Variants in JAZF1 observed in about 807,000 individuals in gnomAD.
JAZF1 encodes the protein JAZF zinc finger 1, also known as juxtaposed with another zinc finger protein 1.
In JAZF1, 8 loss-of-function variants were observed where a neutral mutation model predicts 26.4. That is an observed-to-expected ratio of 0.30 (90% CI 0.18 to 0.55). JAZF1 has a LOEUF of 0.55. JAZF1 is among the 20% of genes least tolerant of loss of function. JAZF1 has a pLI of 0.94. For synonymous variants in JAZF1, 126 were observed against 122.3 expected (o/e 1.03, Z -0.20); for missense variants, 199 against 322.0 (o/e 0.62, Z 2.92).
chr7:28,076,242 C>G (rs1784049538), intron 1 of JAZF1, among the ~76,000 whole-genome samples: 1 of 152,166 alleles, frequency 6.6e-6, no homozygotes. Flanking sequence ...CGGCCCAGAG[C>G]AAAATGGGAA....
intron 1 of JAZF1, among the ~76,000 whole-genome samples, chr7:28,146,005 T>C (rs962350283): frequency 1.3e-5 from 2 of 152,234 alleles, no homozygotes; most frequent in African/African-American, 4.8e-5. Flanking sequence ...ATGTCAATTT[T>C]CTACTCTTCC....
At chr7:28,022,383 T>C (rs1471984868) in intron 1 of JAZF1, among the ~76,000 whole-genome samples, 1 of 152,200 alleles carries the variant, frequency 6.6e-6, no homozygotes, top group Non-Finnish European at 1.5e-5. Context: ...TTCCTGACCG[T>C]TCTAACAAAT....
chr7:27,949,637 C>T (rs1477347742), intron 2 of JAZF1, among the ~76,000 whole-genome samples: 1 of 152,162 alleles, frequency 6.6e-6, no homozygotes, highest in Non-Finnish European at 1.5e-5. Context: ...GTGGCACATG[C>T]CTGTAATCCC....
rs1007539876 is a variant in JAZF1, at chr7:27,982,330, C to T, written c.188+9579G>A. 2.9e-4 allele frequency among the ~76,000 whole-genome samples: 44 copies of T among 152,118 alleles called. 1 individual carries two copies. Among genetic ancestry groups the T allele is most frequent in the African/African-American group, 1.0e-3 (42 of 41,460 alleles). On this transcript the variant is annotated intron_variant, in intron 2 of 4. Coordinates refer to ENST00000283928, the MANE Select transcript of JAZF1 (RefSeq NM_175061.4). ...CCCGCGCATGGCTCAGAGGGTCCCACGCCCATGGAGCCTCACTCACTGCTA... is the reference window on the plus strand; with the variant it reads ...CCCGCGCATGGCTCAGAGGGTCCCATGCCCATGGAGCCTCACTCACTGCTA...
intron 1 of JAZF1, among the ~76,000 whole-genome samples, chr7:28,173,631 T>A (rs1783506558): frequency 6.6e-6 from 1 of 152,094 alleles, no homozygotes; most frequent in African/African-American, 2.4e-5. Flanking sequence ...AGGAGGTCTA[T>A]CTCAGGAGAA....
chr7:28,047,063 T>G (rs1038513979), intron 1 of JAZF1, among the ~76,000 whole-genome samples: 2 of 152,130 alleles, frequency 1.3e-5, no homozygotes, highest in Non-Finnish European at 2.9e-5. Flanking sequence ...CTTCTAGAAT[T>G]TTATAGATTT....
At chr7:27,883,602 A>G (rs1203091248) in intron 3 of JAZF1, among the ~76,000 whole-genome samples, 1 of 152,228 alleles carries the variant, frequency 6.6e-6, no homozygotes, top group African/African-American at 2.4e-5. Context: ...GTTTCTGAGG[A>G]TGTGCTCAAC....
chr7:28,091,599 T>TACATATATATTATATATATATA (rs1784297048), intron 1 of JAZF1, among the ~76,000 whole-genome samples: 3 of 147,246 alleles, frequency 2.0e-5, no homozygotes, highest in African/African-American at 7.6e-5. Flanking sequence ...AAGTTAAATA[T>TACATATATATTATATATATATA]ACATATATAT....
At chr7:28,141,633 T>C (rs1483554162) in intron 1 of JAZF1, among the ~76,000 whole-genome samples, 1 of 152,194 alleles carries the variant, frequency 6.6e-6, no homozygotes, top group Non-Finnish European at 1.5e-5. Context: ...ATCCTGGTTT[T>C]TAGTACAAAT....
chr7:28,099,234 A>G (rs1388973701), intron 1 of JAZF1, among the ~76,000 whole-genome samples: 1 of 152,136 alleles, frequency 6.6e-6, no homozygotes, highest in African/African-American at 2.4e-5. Context: ...CCACATCTCC[A>G]TCCCCAAATT....
In JAZF1 at chr7:28,103,528, C is replaced by T. The variant is rs76320566; in HGVS notation, c.115+76935G>A. Among the ~76,000 whole-genome samples the T allele has an allele frequency of 7.2e-5, 11 of 152,220 alleles. No homozygotes were observed. The East Asian group carries it at 2.1e-3, about 29-fold the overall frequency. ...AACAGGCATCGCAAACTTAACCTGG[C>T]CAAAACAGAGATCCTGATTTCCATC... On this transcript the variant is annotated intron_variant, in intron 1 of 4. Transcript: ENST00000283928.
At chr7:28,030,961 T>C (rs985844919) in intron 1 of JAZF1, among the ~76,000 whole-genome samples, 1 of 152,214 alleles carries the variant, frequency 6.6e-6, no homozygotes, top group Non-Finnish European at 1.5e-5. Context: ...TCATTATTCA[T>C]ACCAACAAAG....
At chr7:28,013,163 C>T (rs940263036) in intron 1 of JAZF1, among the ~76,000 whole-genome samples, 1 of 152,142 alleles carries the variant, frequency 6.6e-6, no homozygotes, top group African/African-American at 2.4e-5. Context: ...CCTGAGTGCA[C>T]CCCCGGTGAC....
At chr7:27,870,501 G>C (rs1179090650) in intron 3 of JAZF1, among the ~76,000 whole-genome samples, 1 of 152,126 alleles carries the variant, frequency 6.6e-6, no homozygotes, top group Admixed American at 6.5e-5. Context: ...AAACACTCAA[G>C]CTTGACCTAT....
chr7:28,052,666 GTTAC>G (rs753224719), intron 1 of JAZF1, among the ~76,000 whole-genome samples: 12 of 152,278 alleles, frequency 7.9e-5, no homozygotes, highest in South Asian at 6.2e-4. Context: ...GTATCTTTGT[GTTAC>G]TTGTGATTAC....
intron 1 of JAZF1, among the ~76,000 whole-genome samples, chr7:28,069,808 C>T (rs17703093): frequency 0.12 from 18,670 of 152,120 alleles, 1,277 homozygotes; most frequent in Middle Eastern, 0.17. Context: ...CCATGCTGAG[C>T]GTTGAGCCGT....
chr7:27,848,315 T>C (rs1783066308), intron 3 of JAZF1, among the ~76,000 whole-genome samples: 2 of 152,256 alleles, frequency 1.3e-5, no homozygotes, highest in Non-Finnish European at 2.9e-5. Flanking sequence ...TGATCATAAA[T>C]GGGATTGTTG....
chr7:27,956,235 C>T (rs554317004), intron 2 of JAZF1, among the ~76,000 whole-genome samples: 5 of 152,218 alleles, frequency 3.3e-5, no homozygotes, highest in African/African-American at 9.6e-5. Context: ...TGATGTGGCA[C>T]CTGTGAATGT....
At chr7:27,982,052 T>A (rs938445530) in intron 2 of JAZF1, among the ~76,000 whole-genome samples, 18 of 152,258 alleles carry the variant, frequency 1.2e-4, no homozygotes, top group African/African-American at 4.3e-4. Flanking sequence ...GTGTGAGCGA[T>A]GCAGAACATG....
Sources: allele counts gnomAD v4.1 joint callset (sites outside exome capture counted in the v4.1 genomes callset), GRCh38; gene constraint gnomAD v4.1.1; transcripts MANE v1.5; gene names NCBI Gene and HGNC (gene_info 2026-07-23, HGNC 2026-07-21).